Variants in BAZ2B observed in about 807,000 individuals in gnomAD.
The protein encoded by BAZ2B is bromodomain adjacent to zinc finger domain protein 2B.
A neutral mutation model predicts 246.0 loss-of-function variants in BAZ2B; 91 were observed. The observed-to-expected ratio is 0.37, with a 90% confidence interval of 0.31 to 0.44. The LOEUF (loss-of-function observed/expected upper bound fraction) is 0.44, where lower values mean the gene tolerates loss of function less well. Ranked by LOEUF, BAZ2B falls within the 20% of genes least tolerant of loss-of-function variation. BAZ2B has a pLI of 1.00. For synonymous variants in BAZ2B, 855 were observed against 860.0 expected (o/e 0.99, Z 0.10); for missense variants, 2,332 against 2,533.7 (o/e 0.92, Z 1.71).
In BAZ2B at chr2:159,342,511, C is replaced by T. The variant is rs1392623045; in HGVS notation, c.5455-4739G>A. Among the ~76,000 whole-genome samples the T allele has an allele frequency of 6.6e-5, 10 of 152,140 alleles. No individual in the cohort carries two copies. In the East Asian group the frequency reaches 1.9e-3, roughly 29 times the overall value. ...ATGTTCCCCAGGCTGGTCTCAAACT[C>T]CTGAGCTCAAGTGATCCTCTCACCT... On this transcript the variant is annotated intron_variant, in intron 31 of 36. Coordinates refer to ENST00000392783, the MANE Select transcript of BAZ2B (RefSeq NM_013450.4).
At chr2:159,356,512 C>G (rs1245757052) in intron 27 of BAZ2B, among the ~76,000 whole-genome samples, 1 of 152,198 alleles carries the variant, frequency 6.6e-6, no homozygotes, top group Non-Finnish European at 1.5e-5. Context: ...AGATCAAACT[C>G]CCATCTCCCT....
intron 1 of BAZ2B, among the ~76,000 whole-genome samples, chr2:159,597,535 A>C (rs1691013994): frequency 6.6e-6 from 1 of 152,164 alleles, no homozygotes; most frequent in Non-Finnish European, 1.5e-5. Context: ...TTACTTTTTA[A>C]AATTTTTTTT....
At chr2:159,324,775 C>A in intron 36 of BAZ2B, 36 bp downstream of exon 36, 1 of 1,379,288 alleles carries the variant, frequency 7.3e-7, no homozygotes. Flanking sequence ...ATCAGGTATT[C>A]AATAAATATT....
At position 159,347,589 on chromosome 2, in the gene BAZ2B, TC is replaced by T; in HGVS notation, c.5350del (p.Glu1784ArgfsTer5). The T allele has an allele frequency of 6.2e-7, 1 of 1,613,064 alleles. No homozygotes were observed. The highest frequency in any genetic ancestry group is 1.1e-5 in the South Asian group (1 of 91,056). On this transcript the variant is annotated frameshift_variant, in exon 31 of 37. Transcript: ENST00000392783. LOFTEE classifies it high-confidence loss of function. ...TGCTTGTTCTTCTACTGACCAGTTCTCCACAATATCTCGAGTTACTTGGTTT... is the reference window on the plus strand; with the variant it reads ...TGCTTGTTCTTCTACTGACCAGTTCTCACAATATCTCGAGTTACTTGGTTT... The part of the protein sequence containing the change: ...EENQVTRDIV[E>X]NWSVEEQAME...
chr2:159,395,554 A>C (rs1448942164), intron 20 of BAZ2B: 2 of 384,304 alleles, frequency 5.2e-6, no homozygotes, highest in East Asian at 8.6e-5. Context: ...GACAATTAAA[A>C]TCTTAGCCAG....
At chr2:159,446,144 A>C (rs1312829424) in intron 6 of BAZ2B, among the ~76,000 whole-genome samples, 1 of 152,182 alleles carries the variant, frequency 6.6e-6, no homozygotes, top group Non-Finnish European at 1.5e-5. Flanking sequence ...AGAAGAAAGA[A>C]GAAGAAAAAG....
At chr2:159,375,838 G>A (rs2061356717) in intron 25 of BAZ2B, among the ~76,000 whole-genome samples, 1 of 152,130 alleles carries the variant, frequency 6.6e-6, no homozygotes. Flanking sequence ...AAATCTAGGA[G>A]ACTGGAAAAA....
Position 159,506,168 on chromosome 2 carries a change from C to T in BAZ2B, c.-2-27447G>A, listed in dbSNP as rs529089576. Reference sequence around the variant, plus strand: ...GGTGGTAGCAGGACCTCCACCCCTCCGAAAAAATTTCTACAAGGACATGTG... The same window carrying T: ...GGTGGTAGCAGGACCTCCACCCCTCTGAAAAAATTTCTACAAGGACATGTG... On this transcript the variant is annotated intron_variant, in intron 2 of 36. Coordinates refer to ENST00000392783, the MANE Select transcript of BAZ2B (RefSeq NM_013450.4). Among the ~76,000 whole-genome samples, 9 of 152,178 alleles carry T rather than the reference C, an allele frequency of 5.9e-5. No individual in the cohort carries two copies. In the East Asian group the frequency reaches 1.2e-3, roughly 20 times the overall value.
chr2:159,620,931 G>A (rs1696407497), upstream of BAZ2B, among the ~76,000 whole-genome samples: 1 of 152,186 alleles, frequency 6.6e-6, no homozygotes, highest in Non-Finnish European at 1.5e-5. Flanking sequence ...ATAGACTGTA[G>A]TATTAAGAGA....
chr2:159,677,116 C>T, the BAZ2B span, among the ~76,000 whole-genome samples: 1 of 150,460 alleles, frequency 6.6e-6, no homozygotes, highest in East Asian at 1.9e-4. Context: ...AAGATTAAAG[C>T]TTATATAGTT....
Position 159,373,033 on chromosome 2 carries a change from A to G in BAZ2B, c.4213+12T>C, listed in dbSNP as rs1219258217. 2.5e-6 allele frequency: 4 copies of G among 1,600,250 alleles called. No individual in the cohort carries two copies. The highest frequency in any genetic ancestry group is 1.7e-6 in the Non-Finnish European group (2 of 1,175,824). ...CTTATTTAACAATTTGTATCGGATT[A>G]TGAGTTCTAACCTTCACCACTCTCC... On this transcript the variant is annotated intron_variant, in intron 27 of 36. Coordinates refer to ENST00000392783, the MANE Select transcript of BAZ2B (RefSeq NM_013450.4).
At chr2:159,625,034 C>T in the BAZ2B span, among the ~76,000 whole-genome samples, 1 of 151,754 alleles carries the variant, frequency 6.6e-6, no homozygotes, top group Non-Finnish European at 1.5e-5. Flanking sequence ...GTGAAGCATA[C>T]ACAAGTATCA....
intron 33 of BAZ2B, 136 bp from the exon 34 acceptor site, chr2:159,332,822 C>A (rs2065005057): frequency 2.0e-6 from 2 of 994,562 alleles, no homozygotes. Flanking sequence ...AGTAGCCATA[C>A]ACATCTATGT....
At chr2:159,395,721 A>T in intron 20 of BAZ2B, 48 bp downstream of exon 20, 2 of 1,463,514 alleles carry the variant, frequency 1.4e-6, no homozygotes, top group Non-Finnish European at 9.4e-7. Flanking sequence ...TGCTTTAGGA[A>T]AAAGCATTAC....
chr2:159,518,928 G>A (rs182463376), intron 2 of BAZ2B, among the ~76,000 whole-genome samples: 1 of 152,282 alleles, frequency 6.6e-6, no homozygotes, highest in East Asian at 1.9e-4. Context: ...ACTTAGAATT[G>A]AGAGAAGTTT....
In BAZ2B at chr2:159,501,629, A is replaced by T. The variant is rs73008639; in HGVS notation, c.-2-22908T>A. 3.7e-3 allele frequency among the ~76,000 whole-genome samples: 560 copies of T among 152,286 alleles called. 1 individual carries two copies. The highest frequency in any genetic ancestry group is 0.013 in the African/African-American group (527 of 41,582). On this transcript the variant is annotated intron_variant, in intron 2 of 36. Coordinates refer to ENST00000392783, the MANE Select transcript of BAZ2B (RefSeq NM_013450.4). ...ATAAACATAGTTTTCTGATTACTAA[A>T]ATTAATGTAGTCTTATGATAAAACC...
chr2:159,323,315 A>T (rs174223), intron 36 of BAZ2B, among the ~76,000 whole-genome samples: 144,697 of 152,162 alleles, frequency 0.95, 69,248 homozygotes, highest in East Asian at 1. Flanking sequence ...TTTTGTTATA[A>T]ATATTTCTAA....
downstream of BAZ2B, among the ~76,000 whole-genome samples, chr2:159,317,181 TGATAGCA>T: frequency 6.6e-6 from 1 of 152,330 alleles, no homozygotes; most frequent in East Asian, 1.9e-4. Flanking sequence ...AATAAATGTC[TGATAGCA>T]GATTTCCTTG....
the BAZ2B span, among the ~76,000 whole-genome samples, chr2:159,692,110 A>G: frequency 1.3e-5 from 2 of 152,110 alleles, no homozygotes; most frequent in East Asian, 3.8e-4. Flanking sequence ...ATAGACTAGT[A>G]CCTACATATA....
Sources: gnomAD v4.1 joint callset for allele counts (sites outside exome capture counted in the v4.1 genomes callset) on GRCh38, gnomAD v4.1.1 for gene constraint, MANE v1.5 for transcripts, NCBI Gene and HGNC (gene_info 2026-07-23, HGNC 2026-07-21) for gene names.